The following ACADM variants were observed in gnomAD, a reference collection of about 807,000 sequenced individuals.
ACADM encodes acyl-CoA dehydrogenase medium chain, also known as medium-chain specific acyl-CoA dehydrogenase, mitochondrial.
Under a neutral mutation model 58.9 loss-of-function variants are expected in ACADM, and 49 were observed. The ratio of observed to expected loss-of-function variants is 0.83; its 90% CI spans 0.66 to 1.06. ACADM has a LOEUF of 1.06. Among genes scored for constraint, ACADM ranks in the 50% least tolerant of loss-of-function variants. The pLI, the probability that ACADM is intolerant of heterozygous loss-of-function variation, is 0.00. For missense variants in ACADM, 496 were observed against 507.0 expected, an observed-to-expected ratio of 0.98 and a Z score of 0.21; for synonymous variants, 160 against 157.7, an observed-to-expected ratio of 1.01 and a Z score of -0.11.
At chr1:75,759,890 A>T (rs1570907767) in intron 10 of ACADM, among the ~76,000 whole-genome samples, 1 of 151,160 alleles carries the variant, frequency 6.6e-6, no homozygotes, top group Admixed American at 6.6e-5. Context: ...CAAACTCCCA[A>T]CCTCAGGTGA....
Position 75,724,740 on chromosome 1 carries a change from G to A in ACADM, c.-48G>A. The A allele has an allele frequency of 1.3e-6, 2 of 1,541,088 alleles. No individual in the cohort carries two copies. Among genetic ancestry groups the A allele is most frequent in the Non-Finnish European group, 1.7e-6 (2 of 1,144,426 alleles). On this transcript the variant is annotated 5_prime_UTR_variant, in exon 1 of 12. Coordinates refer to ENST00000370841, the MANE Select transcript of ACADM (RefSeq NM_000016.6). ...GTCCCGCGTTCGGGGAGTATGTCAA[G>A]GCCGTGACCCGTGTATTATTGTCCG...
intron 3 of ACADM, 29 bp downstream of exon 3, chr1:75,732,770 A>C (rs1216296959): frequency 6.2e-7 from 1 of 1,606,158 alleles, no homozygotes; most frequent in Admixed American, 1.7e-5. Context: ...AAGAGGGAAA[A>C]ATCTTTTACA....
At chr1:75,736,836 ACTTC>A (rs1225115344) in intron 6 of ACADM, among the ~76,000 whole-genome samples, 1 of 152,190 alleles carries the variant, frequency 6.6e-6, no homozygotes, top group Admixed American at 6.5e-5. Flanking sequence ...AATTAGTATT[ACTTC>A]CTTATTGTAG....
chr1:75,744,208 G>A, intron 7 of ACADM: 2 of 1,574,370 alleles, frequency 1.3e-6, no homozygotes, highest in Non-Finnish European at 1.7e-6. Context: ...GAGGTTGTGA[G>A]GGCGAGGGCA....
intron 2 of ACADM, among the ~76,000 whole-genome samples, chr1:75,731,230 G>C (rs1647143427): frequency 8.1e-6 from 1 of 123,364 alleles, no homozygotes; most frequent in Non-Finnish European, 1.6e-5. Flanking sequence ...AGTGAGCCTA[G>C]ATTGCGCCAC....
At chr1:75,744,249 A>G in intron 7 of ACADM, 1 of 1,604,684 alleles carries the variant, frequency 6.2e-7, no homozygotes, top group South Asian at 1.1e-5. Flanking sequence ...TGGGTGCTGC[A>G]TGGGGAGGAA....
intron 6 of ACADM, among the ~76,000 whole-genome samples, chr1:75,738,752 C>T (rs1647408856): frequency 6.6e-6 from 1 of 151,786 alleles, no homozygotes; most frequent in South Asian, 2.1e-4. Context: ...GGCCCAGTTT[C>T]TTTCTTCTTT....
intron 11 of ACADM, 102 bp downstream of exon 11, chr1:75,761,472 A>G: frequency 7.7e-7 from 1 of 1,295,710 alleles, no homozygotes; most frequent in Non-Finnish European, 1.1e-6. Flanking sequence ...CCTAGTAGCA[A>G]TAAATGACTG....
intron 7 of ACADM, among the ~76,000 whole-genome samples, chr1:75,742,285 A>G (rs1349597603): frequency 1.3e-5 from 2 of 152,128 alleles, no homozygotes; most frequent in African/African-American, 4.8e-5. Flanking sequence ...AGTAGCTCCA[A>G]GGAATTCCAA....
chr1:75,737,279 AATATAT>A (rs368688785), intron 6 of ACADM, among the ~76,000 whole-genome samples: 903 of 42,982 alleles, frequency 0.021, 24 homozygotes, highest in African/African-American at 0.037. Context: ...CACACACACA[AATATAT>A]ATATATATAT....
At chr1:75,734,739 T>C (rs1647210716) in intron 5 of ACADM, 52 bp from the exon 6 acceptor site, 1 of 1,372,474 alleles carries the variant, frequency 7.3e-7, no homozygotes, top group African/African-American at 1.4e-5. Flanking sequence ...TCTCTGAATT[T>C]ACATATCCAA....
At chr1:75,751,462 C>T (rs1251228652) in intron 10 of ACADM, among the ~76,000 whole-genome samples, 2 of 150,610 alleles carry the variant, frequency 1.3e-5, no homozygotes, top group Non-Finnish European at 2.9e-5. Flanking sequence ...CAAGGCCACA[C>T]AATTTATAAG....
Position 75,740,106 on chromosome 1 carries a change from A to T in ACADM, c.595A>T (p.Asn199Tyr). Residue 199 changes from asparagine to tyrosine, a missense_variant, in exon 7 of 12, where the codon AAT becomes TAT. Physicochemically the swap from Asn to Tyr is moderately radical, Grantham distance 143. Coordinates refer to ENST00000370841, the MANE Select transcript of ACADM (RefSeq NM_000016.6). ...KMWITNGGKA[N>Y]WYFLLARSDP... is the part of the protein sequence containing the mutation. ...GTGGATAACCAACGGAGGAAAAGCT[A>T]ATTGGTATGTTGTTCAAAACATCTT... The T allele has an allele frequency of 6.2e-7, 1 of 1,610,260 alleles. No individual in the cohort carries two copies. Among genetic ancestry groups the T allele is most frequent in the Non-Finnish European group, 8.5e-7 (1 of 1,177,294 alleles).
Position 75,731,907 on chromosome 1 carries a change from T to C in ACADM, c.119-737T>C, listed in dbSNP as rs1275519521. ...GATAGGGTGAGGTGGCTCCCAGCAC[T>C]TTGGGAGGCCAAGATGGGAGAATCA... On this transcript the variant is annotated intron_variant, in intron 2 of 11. Transcript: ENST00000370841. Among the ~76,000 whole-genome samples the C allele has an allele frequency of 2.0e-5, 3 of 152,126 alleles. No individual in the cohort carries two copies. The East Asian group carries it at 5.8e-4, about 29-fold the overall frequency.
chr1:75,761,157 A>G lies in ACADM; in HGVS notation c.981A>G (p.Ala327=). The part of the protein sequence containing the change: ...QAISFMLAEM[A]MKVELARMSY... ...TATCATTTATGCTGGCTGAAATGGCAATGAAAGTTGAACTAGCTAGAATGA... is the reference window on the plus strand; with the variant it reads ...TATCATTTATGCTGGCTGAAATGGCGATGAAAGTTGAACTAGCTAGAATGA... The change falls in exon 11 of 12, where the codon GCA becomes GCG. Residue 327 remains alanine, a synonymous_variant. Coordinates refer to ENST00000370841, the MANE Select transcript of ACADM (RefSeq NM_000016.6). 6.2e-7 allele frequency: 1 copy of G among 1,614,070 alleles called. No homozygotes were observed. The highest frequency in any genetic ancestry group is 2.2e-5 in the East Asian group (1 of 44,876).
chr1:75,726,322 T>A (rs1647055330), intron 1 of ACADM, among the ~76,000 whole-genome samples: 1 of 148,254 alleles, frequency 6.7e-6, no homozygotes, highest in Admixed American at 6.8e-5. Flanking sequence ...TGAGCGGAGA[T>A]CTCTCCACCG....
At chr1:75,745,563 A>G (rs1647849672) in intron 7 of ACADM, 1 of 515,872 alleles carries the variant, frequency 1.9e-6, no homozygotes, top group Non-Finnish European at 3.5e-6. Flanking sequence ...CTGAAACCAC[A>G]GAAAGTGAAA....
intron 7 of ACADM, among the ~76,000 whole-genome samples, chr1:75,745,067 C>G (rs546666074): frequency 6.6e-6 from 1 of 152,184 alleles, no homozygotes; most frequent in Non-Finnish European, 1.5e-5. Flanking sequence ...AATACCAAAC[C>G]CTGTATATAC....
chr1:75,737,327 T>TATATATATATATATATATATGA (rs1491168235), intron 6 of ACADM, among the ~76,000 whole-genome samples: 4 of 76,666 alleles, frequency 5.2e-5, no homozygotes, highest in African/African-American at 2.1e-4. Context: ...TATATATATA[T>TATATATATATATATATATATGA]GAAACCAAAA....
Sources: allele counts gnomAD v4.1 joint callset (sites outside exome capture counted in the v4.1 genomes callset), GRCh38; gene constraint gnomAD v4.1.1; transcripts MANE v1.5; gene names NCBI Gene and HGNC (gene_info 2026-07-23, HGNC 2026-07-21).